The following CAST variants were observed in gnomAD, a reference collection of about 807,000 sequenced individuals.
CAST encodes calpastatin, also known as MIR583 host.
In CAST, 76 loss-of-function variants were observed where a neutral mutation model predicts 119.6. That is an observed-to-expected ratio of 0.64 (90% CI 0.53 to 0.77). The LOEUF is 0.77. Ranked by LOEUF, CAST falls within the 30% of genes least tolerant of loss-of-function variation. CAST has a pLI of 0.00. For missense variants in CAST, 953 were observed against 946.5 expected (o/e 1.01, Z -0.09); for synonymous variants, 319 against 331.6 (o/e 0.96, Z 0.41).
the CAST span, among the ~76,000 whole-genome samples, chr5:96,287,248 C>G: frequency 6.6e-6 from 1 of 152,116 alleles, no homozygotes; most frequent in Non-Finnish European, 1.5e-5. Flanking sequence ...TCCCCCCTCC[C>G]CTTTCCTTCC....
intron 20 of CAST, among the ~76,000 whole-genome samples, chr5:96,752,058 G>A (rs550217121): frequency 6.6e-6 from 1 of 152,240 alleles, no homozygotes; most frequent in East Asian, 1.9e-4. Flanking sequence ...ACTCAAGAAA[G>A]GCATGAAGAT....
At chr5:96,027,032 G>A in the CAST span, among the ~76,000 whole-genome samples, 2 of 152,034 alleles carry the variant, frequency 1.3e-5, no homozygotes, top group Non-Finnish European at 2.9e-5. Flanking sequence ...GCAACATAGT[G>A]AGACCCTGTC....
At chr5:96,415,027 T>C in the CAST span, among the ~76,000 whole-genome samples, 321 of 152,318 alleles carry the variant, frequency 2.1e-3, no homozygotes, top group African/African-American at 7.3e-3. Context: ...TGTTCTACAA[T>C]TGATTCTTTT....
chr5:96,037,973 T>C, the CAST span, among the ~76,000 whole-genome samples: 1 of 152,184 alleles, frequency 6.6e-6, no homozygotes, highest in African/African-American at 2.4e-5. Context: ...TTCATCGCAA[T>C]GTTACAGTGT....
chr5:96,284,742 A>G, the CAST span, among the ~76,000 whole-genome samples: 1 of 152,246 alleles, frequency 6.6e-6, no homozygotes, highest in Non-Finnish European at 1.5e-5. Context: ...TGATGAGTCA[A>G]CAAACACCTT....
At chr5:96,282,900 C>T in the CAST span, among the ~76,000 whole-genome samples, 3 of 151,634 alleles carry the variant, frequency 2.0e-5, no homozygotes, top group South Asian at 2.1e-4. Flanking sequence ...GAGGCCGAGG[C>T]GGGCGGATCA....
the CAST span, among the ~76,000 whole-genome samples, chr5:96,217,137 C>A: frequency 6.6e-6 from 1 of 151,272 alleles, no homozygotes; most frequent in East Asian, 1.9e-4. Flanking sequence ...CTCCTGGACT[C>A]AAGTGATCTT....
At chr5:96,725,328 CAT>C (rs1024098849) in intron 4 of CAST, among the ~76,000 whole-genome samples, 1 of 152,124 alleles carries the variant, frequency 6.6e-6, no homozygotes, top group African/African-American at 2.4e-5. Context: ...TGTAAGGAAA[CAT>C]AATGTATATT....
At chr5:96,740,692 T>A (rs1762483653) in intron 12 of CAST, 53 bp from the exon 13 acceptor site, 4 of 1,348,986 alleles carry the variant, frequency 3.0e-6, no homozygotes, top group Non-Finnish European at 4.3e-6. Context: ...ATTTTGCCGA[T>A]CTTAAGGATT....
chr5:96,652,765 G>A (rs927893639), intron 1 of CAST, among the ~76,000 whole-genome samples: 28 of 152,224 alleles, frequency 1.8e-4, no homozygotes, highest in African/African-American at 6.8e-4. Context: ...GATATCTGAT[G>A]TATCCCAGGA....
the CAST span, among the ~76,000 whole-genome samples, chr5:96,365,929 T>C: frequency 1.3e-5 from 2 of 152,240 alleles, no homozygotes; most frequent in Non-Finnish European, 2.9e-5. Context: ...CCTTCGATGG[T>C]CTTTACAATT....
At chr5:96,483,216 A>T in the CAST span, among the ~76,000 whole-genome samples, 1 of 152,172 alleles carries the variant, frequency 6.6e-6, no homozygotes, top group African/African-American at 2.4e-5. Flanking sequence ...GGCAAAGGCT[A>T]TGAGAAACTG....
At chr5:96,620,634 CTT>C (rs1472461195) in intron 1 of CAST, among the ~76,000 whole-genome samples, 1 of 152,052 alleles carries the variant, frequency 6.6e-6, no homozygotes, top group African/African-American at 2.4e-5. Flanking sequence ...ACGTTTTTGA[CTT>C]ATGATATTTA....
chr5:95,986,862 A>C, the CAST span, among the ~76,000 whole-genome samples: 1 of 152,178 alleles, frequency 6.6e-6, no homozygotes, highest in African/African-American at 2.4e-5. Context: ...ATTATGTGCC[A>C]GGGTAGGGTT....
chr5:96,570,747 C>T (rs1454178180), intron 1 of CAST, among the ~76,000 whole-genome samples: 1 of 152,138 alleles, frequency 6.6e-6, no homozygotes, highest in Non-Finnish European at 1.5e-5. Context: ...AAACTGGTAT[C>T]TCTTTTGAAT....
chr5:96,414,354 G>A, the CAST span, among the ~76,000 whole-genome samples: 14 of 152,244 alleles, frequency 9.2e-5, 2 homozygotes, highest in South Asian at 8.3e-4. Flanking sequence ...GGTGGGTGCC[G>A]TAATTCTCCT....
At chr5:96,068,554 T>C in the CAST span, among the ~76,000 whole-genome samples, 1 of 151,638 alleles carries the variant, frequency 6.6e-6, no homozygotes, top group Non-Finnish European at 1.5e-5. Flanking sequence ...GAACCCTGTA[T>C]TAGTCAGGGT....
At chr5:96,639,198 GAACT>G (rs1282028383) in intron 1 of CAST, among the ~76,000 whole-genome samples, 1 of 152,182 alleles carries the variant, frequency 6.6e-6, no homozygotes, top group Non-Finnish European at 1.5e-5. Context: ...CTTGAAGCCT[GAACT>G]ACAGGGCCCC....
intron 1 of CAST, among the ~76,000 whole-genome samples, chr5:96,653,545 C>T (rs938992183): frequency 1.3e-5 from 2 of 152,152 alleles, no homozygotes; most frequent in Non-Finnish European, 2.9e-5. Flanking sequence ...AATAAGGGTA[C>T]AAATAAAACC....
Sources: allele counts gnomAD v4.1 joint callset (sites outside exome capture counted in the v4.1 genomes callset), GRCh38; gene constraint gnomAD v4.1.1; transcripts MANE v1.5; gene names NCBI Gene and HGNC (gene_info 2026-07-23, HGNC 2026-07-21).